Variants in ANO3 observed in about 807,000 individuals in gnomAD.
ANO3 encodes anoctamin-3.
In ANO3, 99 loss-of-function variants were observed where a neutral mutation model predicts 144.8. The ratio of observed to expected loss-of-function variants is 0.68; its 90% confidence interval spans 0.58 to 0.81. The LOEUF is 0.81. ANO3 is among the 30% of genes least tolerant of loss of function. The pLI, the probability that ANO3 is intolerant of heterozygous loss-of-function variation, is 0.00. For missense variants in ANO3, 905 were observed against 1,202.2 expected, an observed-to-expected ratio of 0.75 and a Z score of 3.66; for synonymous variants, 414 against 392.6, an observed-to-expected ratio of 1.05 and a Z score of -0.64.
intron 1 of ANO3, among the ~76,000 whole-genome samples, chr11:26,319,035 G>A (rs1454356675): frequency 6.6e-6 from 1 of 151,982 alleles, no homozygotes; most frequent in African/African-American, 2.4e-5. Flanking sequence ...GGAGTGGAAT[G>A]TCAGGGCCAC....
At chr11:26,358,957 T>G (rs1172543695) in intron 1 of ANO3, among the ~76,000 whole-genome samples, 1 of 152,256 alleles carries the variant, frequency 6.6e-6, no homozygotes, top group Non-Finnish European at 1.5e-5. Flanking sequence ...TCCATGTTTC[T>G]TCTTAACTTC....
chr11:26,422,724 T>C (rs1857789494), intron 1 of ANO3, among the ~76,000 whole-genome samples: 2 of 151,860 alleles, frequency 1.3e-5, no homozygotes, highest in South Asian at 4.1e-4. Context: ...AGAAAAGAAA[T>C]GGAACTTTGG....
intron 1 of ANO3, among the ~76,000 whole-genome samples, chr11:26,288,498 C>G (rs11029480): frequency 0.021 from 3,249 of 152,144 alleles, 58 homozygotes; most frequent in East Asian, 0.12. Flanking sequence ...GGGATTCCTT[C>G]CTTTGTTTTT....
chr11:26,236,579 GAGGCCA>G (rs755023937), intron 1 of ANO3, among the ~76,000 whole-genome samples: 19 of 152,136 alleles, frequency 1.2e-4, no homozygotes, highest in Non-Finnish European at 1.9e-4. Context: ...AGCACTTTGG[GAGGCCA>G]AGGTGGGCGG....
chr11:26,448,855 G>T (rs1356825703), intron 3 of ANO3, among the ~76,000 whole-genome samples: 1 of 152,130 alleles, frequency 6.6e-6, no homozygotes, highest in Non-Finnish European at 1.5e-5. Context: ...ATTCACTGCT[G>T]CTCCTGGGTC....
At chr11:26,344,885 GT>G (rs1234794680) in intron 1 of ANO3, among the ~76,000 whole-genome samples, 2 of 152,108 alleles carry the variant, frequency 1.3e-5, no homozygotes, top group Non-Finnish European at 2.9e-5. Context: ...TTACTCTAGA[GT>G]TTAAATCATG....
chr11:26,268,134 C>T (rs913614098), intron 1 of ANO3, among the ~76,000 whole-genome samples: 1 of 152,010 alleles, frequency 6.6e-6, no homozygotes, highest in Non-Finnish European at 1.5e-5. Context: ...TGAAGCACCA[C>T]CAAATATAAA....
chr11:26,580,066 A>C (rs1403841976), intron 14 of ANO3, among the ~76,000 whole-genome samples: 1 of 136,426 alleles, frequency 7.3e-6, no homozygotes. Flanking sequence ...AAAAGTAATG[A>C]GAATGGAAAA....
intron 8 of ANO3, among the ~76,000 whole-genome samples, chr11:26,532,496 C>T (rs1849399290): frequency 6.6e-6 from 1 of 152,042 alleles, no homozygotes; most frequent in African/African-American, 2.4e-5. Context: ...AAACAGTTTC[C>T]CATTTGTACT....
chr11:26,433,834 C>T (rs1340198439), intron 1 of ANO3, among the ~76,000 whole-genome samples: 1 of 152,130 alleles, frequency 6.6e-6, no homozygotes, highest in Non-Finnish European at 1.5e-5. Flanking sequence ...CATCAATGTT[C>T]ATCAAGGATA....
chr11:26,591,770 CG>C (rs1565127752), intron 14 of ANO3, among the ~76,000 whole-genome samples: 1 of 152,106 alleles, frequency 6.6e-6, no homozygotes, highest in Non-Finnish European at 1.5e-5. Context: ...TCATGGTTGT[CG>C]CTTGAAGAGC....
intron 17 of ANO3, among the ~76,000 whole-genome samples, chr11:26,615,344 G>C (rs1437757620): frequency 6.7e-6 from 1 of 148,834 alleles, no homozygotes; most frequent in Non-Finnish European, 1.5e-5. Flanking sequence ...TCTCATGTGT[G>C]GTTCCCTCTC....
intron 1 of ANO3, among the ~76,000 whole-genome samples, chr11:26,357,227 T>G (rs1450198234): frequency 6.6e-6 from 1 of 152,246 alleles, no homozygotes; most frequent in Non-Finnish European, 1.5e-5. Context: ...TTCCTTTATC[T>G]TGGTTAAATA....
intron 6 of ANO3, among the ~76,000 whole-genome samples, chr11:26,523,790 A>G (rs1590456711): frequency 1.3e-5 from 2 of 152,308 alleles, no homozygotes; most frequent in East Asian, 3.9e-4. Flanking sequence ...ATTGTTTAAG[A>G]GAAATATTCA....
intron 1 of ANO3, among the ~76,000 whole-genome samples, chr11:26,266,949 A>G (rs925936142): frequency 1.3e-5 from 2 of 151,008 alleles, no homozygotes; most frequent in African/African-American, 2.4e-5. Context: ...AAAATTAGCC[A>G]GGCGTGGTGG....
At chr11:26,403,230 T>C (rs923683826) in intron 1 of ANO3, among the ~76,000 whole-genome samples, 6 of 152,012 alleles carry the variant, frequency 3.9e-5, no homozygotes, top group Non-Finnish European at 5.9e-5. Context: ...TGGTGGGTAT[T>C]TTATATTTCC....
At chr11:26,580,961 G>T (rs1377810401) in intron 14 of ANO3, among the ~76,000 whole-genome samples, 1 of 152,168 alleles carries the variant, frequency 6.6e-6, no homozygotes, top group Non-Finnish European at 1.5e-5. Context: ...GAAGTTCCTT[G>T]TCTCATTTTG....
rs1853866756 is a variant in ANO3 at position 26,661,199 on chromosome 11, C to T, written c.*755C>T. The T allele has an allele frequency of 6.6e-6, 1 of 152,526 alleles. No individual in the cohort carries two copies. Among genetic ancestry groups the T allele is most frequent in the Non-Finnish European group, 1.5e-5 (1 of 68,018 alleles). 9.4% of individuals were successfully genotyped at this position (152,526 alleles called of 1,614,324 possible). ...TTTTTTGTACTAAATGCCAATAAAGCCACATACTTATAAACTATGAATGGC... is the reference window on the plus strand; with the variant it reads ...TTTTTTGTACTAAATGCCAATAAAGTCACATACTTATAAACTATGAATGGC... On this transcript the variant is annotated 3_prime_UTR_variant, in exon 27 of 27. Coordinates refer to ENST00000256737, the MANE Select transcript of ANO3 (RefSeq NM_031418.4).
intron 14 of ANO3, among the ~76,000 whole-genome samples, chr11:26,569,311 G>A (rs895468375): frequency 6.6e-6 from 1 of 152,030 alleles, no homozygotes; most frequent in African/African-American, 2.4e-5. Context: ...GGAAGAGAGG[G>A]GTAGTTCAGT....
Sources: gnomAD v4.1 joint callset for allele counts (sites outside exome capture counted in the v4.1 genomes callset) on GRCh38, gnomAD v4.1.1 for gene constraint, MANE v1.5 for transcripts, NCBI Gene and HGNC (gene_info 2026-07-23, HGNC 2026-07-21) for gene names.